The following CSE1L variants were observed in gnomAD, a reference collection of about 807,000 sequenced individuals.
CSE1L encodes the protein chromosome segregation 1 like, also known as exportin-2.
CSE1L carries 24 observed loss-of-function variants against 120.4 expected under a neutral mutation model. The observed-to-expected ratio is 0.20, with a 90% CI of 0.14 to 0.28. The LOEUF is 0.28. Among genes scored for constraint, CSE1L ranks in the 10% least tolerant of loss-of-function variants. CSE1L has a pLI of 1.00. For synonymous variants in CSE1L, 402 were observed against 398.3 expected (o/e 1.01, Z -0.11); for missense variants, 830 against 1,145.2 (o/e 0.72, Z 3.97).
intron 1 of CSE1L, among the ~76,000 whole-genome samples, chr20:49,050,385 A>ATTTTT (rs1243770980): frequency 5.1e-5 from 4 of 79,018 alleles, no homozygotes; most frequent in East Asian, 3.4e-4. Context: ...AGCCCAGCTA[A>ATTTTT]TTTTTTTTTT....
chr20:49,069,687 G>C (rs1235594999), intron 7 of CSE1L, among the ~76,000 whole-genome samples: 1 of 152,210 alleles, frequency 6.6e-6, no homozygotes, highest in Non-Finnish European at 1.5e-5. Flanking sequence ...TACACCTTTT[G>C]AATTCTGAGA....
At chr20:49,072,195 T>TA in intron 8 of CSE1L, 91 bp from the exon 9 acceptor site, 1 of 1,334,072 alleles carries the variant, frequency 7.5e-7, no homozygotes, top group Admixed American at 2.2e-5. Context: ...ATTTAATTGA[T>TA]AAAGAGTCTA....
intron 14 of CSE1L, among the ~76,000 whole-genome samples, chr20:49,080,260 T>A (rs1330452987): frequency 6.6e-6 from 1 of 151,386 alleles, no homozygotes; most frequent in Non-Finnish European, 1.5e-5. Context: ...TGTTTTTTTT[T>A]ATTTTTTTTG....
intron 12 of CSE1L, 129 bp from the exon 13 acceptor site, chr20:49,076,851 A>G (rs944145548): frequency 3.4e-6 from 2 of 585,776 alleles, no homozygotes; most frequent in Non-Finnish European, 5.9e-6. Flanking sequence ...CATTTTATAC[A>G]TAAGCAATTT....
At chr20:49,073,636 C>T (rs1414429687) in intron 10 of CSE1L, among the ~76,000 whole-genome samples, 1 of 152,088 alleles carries the variant, frequency 6.6e-6, no homozygotes, top group East Asian at 1.9e-4. Context: ...CAGACGTGCA[C>T]CACCATGCTC....
At chr20:49,073,641 A>G (rs2091948056) in intron 10 of CSE1L, among the ~76,000 whole-genome samples, 2 of 152,018 alleles carry the variant, frequency 1.3e-5, no homozygotes, top group Non-Finnish European at 2.9e-5. Context: ...GTGCACCACC[A>G]TGCTCAGCTA....
intron 6 of CSE1L, 36 bp from the exon 7 acceptor site, chr20:49,068,679 A>G (rs527728138): frequency 7.6e-7 from 1 of 1,322,830 alleles, no homozygotes; most frequent in South Asian, 1.2e-5. Context: ...TGGGTTTATG[A>G]TGCACTAAAA....
chr20:49,078,590 G>T lies in CSE1L; in HGVS notation c.1450G>T (p.Gly484Cys). 1.3e-6 allele frequency: 2 copies of T among 1,569,600 alleles called. No individual in the cohort carries two copies. Among genetic ancestry groups the T allele is most frequent in the South Asian group, 1.2e-5 (1 of 83,796 alleles). Residue 484 changes from glycine to cysteine, a missense_variant, in exon 14 of 25, where the codon GGT (glycine) becomes TGT (cysteine). Gly to Cys is a radical substitution (Grantham distance 159). Around this residue, in one of 4 missense-constraint regions of CSE1L, gnomAD observed 543 missense variants for 640.2 expected, o/e 0.85. Transcript: ENST00000262982. ...VNEFPVLKAD[G>C]IKYIMIFRNQ... ...TGAATTTCCTGTCCTTAAAGCTGAC[G>T]GTATCAAATATATTATGATTTTTAG...
At chr20:49,077,223 A>G (rs1424505733) in intron 13 of CSE1L, among the ~76,000 whole-genome samples, 159 bp downstream of exon 13, 1 of 145,088 alleles carries the variant, frequency 6.9e-6, no homozygotes, top group Non-Finnish European at 1.5e-5. Context: ...GCAGTGGCAC[A>G]GTCTCTGCTC....
chr20:49,072,300 C>T lies in CSE1L; in HGVS notation c.783C>T (p.Ala261=), dbSNP rs1162656804. The T allele has an allele frequency of 1.1e-5, 18 of 1,613,684 alleles. No homozygotes were observed. In the Admixed American group the frequency reaches 2.3e-4, roughly 21 times the overall value. Residue 261 remains alanine, a synonymous_variant, in exon 9 of 25, where the codon GCC becomes GCT. Transcript: ENST00000262982. ...TTTTATGTGAGGATGAAGAGGAAGC[C>T]GGCTTATTGGAGCTCTTAAAATCCC... The part of the protein sequence containing the change: ...KLLQTDDEEE[A]GLLELLKSQI...
At position 49,066,475 on chromosome 20, in the gene CSE1L, T is replaced by C. The variant is rs370271126; in HGVS notation, c.441T>C (p.Asn147=). 144 of 1,614,052 alleles carry C rather than the reference T, an allele frequency of 8.9e-5. No homozygotes were observed. The highest frequency in any genetic ancestry group is 1.1e-4 in the Non-Finnish European group (134 of 1,179,986). Reference sequence around the variant, plus strand: ...AGAGTGGAGATTTCCATGTTATTAATGGAGTCCTCCGTACAGCACATTCAT... The same window carrying C: ...AGAGTGGAGATTTCCATGTTATTAACGGAGTCCTCCGTACAGCACATTCAT... The part of the protein sequence containing the change: ...RFQSGDFHVI[N]GVLRTAHSLF... The change falls in exon 5 of 25, where the codon AAT becomes AAC. Residue 147 remains asparagine, a synonymous_variant. Transcript: ENST00000262982.
intron 1 of CSE1L, among the ~76,000 whole-genome samples, chr20:49,057,351 C>A: frequency 6.6e-6 from 1 of 151,728 alleles, no homozygotes; most frequent in Non-Finnish European, 1.5e-5. Flanking sequence ...GTAGTATTTG[C>A]GATTACATGT....
chr20:49,051,400 GGGCGTGGT>G (rs1225009319), intron 1 of CSE1L, among the ~76,000 whole-genome samples: 1 of 152,126 alleles, frequency 6.6e-6, no homozygotes, highest in Non-Finnish European at 1.5e-5. Context: ...AAACTCAGCC[GGGCGTGGT>G]GGCACGCACC....
intron 23 of CSE1L, 24 bp from the exon 24 acceptor site, chr20:49,094,708 A>C (rs1385944094): frequency 6.5e-7 from 1 of 1,529,308 alleles, no homozygotes; most frequent in South Asian, 1.1e-5. Context: ...TGACCTTTTT[A>C]TCTCTTGCTT....
intron 17 of CSE1L, among the ~76,000 whole-genome samples, chr20:49,088,883 A>T (rs2092079997): frequency 6.6e-6 from 1 of 152,176 alleles, no homozygotes; most frequent in South Asian, 2.1e-4. Flanking sequence ...AAAAGAACAT[A>T]AAAAACTACT....
rs777478767 is a variant in CSE1L, at chr20:49,090,782, A to C, written c.2222A>C (p.Lys741Thr). The C allele has an allele frequency of 6.2e-7, 1 of 1,614,048 alleles. No homozygotes were observed. Among genetic ancestry groups the C allele is most frequent in the Non-Finnish European group, 8.5e-7 (1 of 1,179,972 alleles). Residue 741 changes from lysine (K) to threonine (T), a missense_variant, in exon 20 of 25, where the codon AAA (lysine) becomes ACA (threonine). Around this residue, in one of 4 missense-constraint regions of CSE1L, gnomAD observed 168 missense variants for 267.9 expected, o/e 0.63. Transcript: ENST00000262982. Reference protein sequence around the residue: ...LGVFQKLIASKANDHQGFYLL... With the variant: ...LGVFQKLIASTANDHQGFYLL... Reference sequence around the variant, plus strand: ...GTCTTTCAGAAGCTGATTGCATCCAAAGCAAATGACCACCAAGGTTTTTAT... The same window carrying C: ...GTCTTTCAGAAGCTGATTGCATCCACAGCAAATGACCACCAAGGTTTTTAT...
At chr20:49,058,160 C>T (rs2091823964) in intron 1 of CSE1L, among the ~76,000 whole-genome samples, 1 of 152,002 alleles carries the variant, frequency 6.6e-6, no homozygotes, top group East Asian at 1.9e-4. Context: ...ATCATATAAA[C>T]TTCTTGGTGA....
rs528654513 is a variant in CSE1L, at chr20:49,058,390, C to A, written c.-11-63C>A. 1.0e-4 allele frequency: 121 copies of A among 1,210,992 alleles called. No homozygotes were observed. In the South Asian group the frequency reaches 1.4e-3, roughly 14 times the overall value. The allele number at this position is 1,210,992 out of a possible 1,614,324, so 75.0% of individuals were successfully genotyped here. On this transcript the variant is annotated intron_variant, in intron 1 of 24. Transcript: ENST00000262982. ...AATAACCCATAATATAAACGGATTT[C>A]TTTAAATGTAAATCACTTTTTCCGT... is the stretch of plus-strand genomic sequence containing the variant.
chr20:49,091,307 C>T (rs2092099439), intron 21 of CSE1L, among the ~76,000 whole-genome samples: 3 of 151,108 alleles, frequency 2.0e-5, no homozygotes, highest in Admixed American at 6.6e-5. Flanking sequence ...TGCCTGTAGT[C>T]GCAGCTGCTT....
Sources: gnomAD v4.1 joint callset for allele counts (sites outside exome capture counted in the v4.1 genomes callset) on GRCh38, gnomAD v4.1.1 for gene constraint, gnomAD v4.1.1 regional missense constraint, MANE v1.5 for transcripts, NCBI Gene and HGNC (gene_info 2026-07-23, HGNC 2026-07-21) for gene names.